The following CSMD1 variants were observed in gnomAD, a reference collection of about 807,000 sequenced individuals.
The protein encoded by CSMD1 is CUB and Sushi multiple domains 1.
Under a neutral mutation model 417.5 loss-of-function variants are expected in CSMD1, and 213 were observed. The ratio of observed to expected loss-of-function variants is 0.51; its 90% CI spans 0.46 to 0.57. CSMD1 has a LOEUF of 0.57. CSMD1 is among the 20% of genes least tolerant of loss of function. The probability of loss-of-function intolerance (pLI) is 0.00; values close to 1 mark genes in which losing one functional copy is unlikely to be tolerated. For missense variants in CSMD1, 6,923 were observed against 4,529.7 expected (o/e 1.53, Z -15.17); for synonymous variants, 2,862 against 1,736.8 (o/e 1.65, Z -16.11).
Position 2,936,096 on chromosome 8 carries a change from A to T in CSMD1, c.*2489T>A, listed in dbSNP as rs936219078. 10 of 152,202 alleles carry T rather than the reference A, an allele frequency of 6.6e-5. No individual in the cohort carries two copies. The highest frequency in any genetic ancestry group is 4.4e-5 in the Non-Finnish European group (3 of 68,038). 9.4% of individuals were successfully genotyped at this position (152,202 alleles called of 1,614,324 possible). Reference sequence around the variant, plus strand: ...ACACAACCTTAGGAAGAAACTAGGCAGAATTCTCACACGAGAATTTCACTG... The same window carrying T: ...ACACAACCTTAGGAAGAAACTAGGCTGAATTCTCACACGAGAATTTCACTG... On this transcript the variant is annotated 3_prime_UTR_variant, in exon 70 of 70. Coordinates refer to ENST00000635120, the MANE Select transcript of CSMD1 (RefSeq NM_033225.6).
chr8:4,431,669 T>C (rs1445317000), intron 2 of CSMD1, among the ~76,000 whole-genome samples: 1 of 152,052 alleles, frequency 6.6e-6, no homozygotes, highest in East Asian at 1.9e-4. Flanking sequence ...GAAGAAAAGA[T>C]AGAGGAATGA....
chr8:3,577,544 G>C (rs1800203618), intron 9 of CSMD1, among the ~76,000 whole-genome samples: 1 of 152,138 alleles, frequency 6.6e-6, no homozygotes, highest in South Asian at 2.1e-4. Context: ...CCAGAGATTT[G>C]TGTCTGATTT....
At position 4,366,251 on chromosome 8, in the gene CSMD1, A is replaced by AT. The variant is rs1802063338; in HGVS notation, c.415+53701dup. Reference sequence around the variant, plus strand: ...CATCCATGTAGCTGCAAAAGACGTGATTCTTTTTTTTTTCTGTTTTATGGC... The same window carrying AT: ...CATCCATGTAGCTGCAAAAGACGTGATTTCTTTTTTTTTTCTGTTTTATGGC... On this transcript the variant is annotated intron_variant, in intron 3 of 69. Coordinates refer to ENST00000635120, the MANE Select transcript of CSMD1 (RefSeq NM_033225.6). Among the ~76,000 whole-genome samples the AT allele has an allele frequency of 5.9e-5, 6 of 101,788 alleles. No individual in the cohort carries two copies. The South Asian group carries it at 1.7e-3, about 29-fold the overall frequency. 66.8% of individuals were successfully genotyped at this position (101,788 alleles called of 152,430 possible). A position where few individuals can be genotyped will look rare whatever the true frequency, so the allele number is the denominator to read the frequency against.
intron 1 of CSMD1, among the ~76,000 whole-genome samples, chr8:4,876,918 C>G (rs1006367749): frequency 6.6e-6 from 1 of 152,050 alleles, no homozygotes; most frequent in Non-Finnish European, 1.5e-5. Context: ...GATTAGCTTT[C>G]TCCTAATCCA....
At chr8:3,250,508 G>C (rs935897940) in intron 26 of CSMD1, among the ~76,000 whole-genome samples, 2 of 152,104 alleles carry the variant, frequency 1.3e-5, no homozygotes, top group Non-Finnish European at 2.9e-5. Context: ...GAATAGTGCC[G>C]CAATAAACAT....
At chr8:3,840,636 C>T (rs1043628169) in intron 5 of CSMD1, among the ~76,000 whole-genome samples, 1 of 151,290 alleles carries the variant, frequency 6.6e-6, no homozygotes, top group Non-Finnish European at 1.5e-5. Context: ...TGTGTGTGCA[C>T]TTGCTAGTGT....
chr8:4,027,305 G>C (rs1002851046), intron 4 of CSMD1, among the ~76,000 whole-genome samples: 2 of 152,164 alleles, frequency 1.3e-5, no homozygotes, highest in Admixed American at 6.5e-5. Flanking sequence ...GTCAGGAGTA[G>C]AAAGTAGGAT....
intron 3 of CSMD1, among the ~76,000 whole-genome samples, chr8:4,384,490 G>A (rs1472577766): frequency 1.3e-5 from 2 of 152,122 alleles, no homozygotes; most frequent in African/African-American, 2.4e-5. Context: ...CTATGAATTT[G>A]TTGATCAAAT....
chr8:4,371,338 A>C (rs1310321093), intron 3 of CSMD1, among the ~76,000 whole-genome samples: 1 of 152,142 alleles, frequency 6.6e-6, no homozygotes, highest in African/African-American at 2.4e-5. Flanking sequence ...AGGCAAGTTA[A>C]AGTTTTAAAT....
chr8:4,176,177 C>T (rs1380863694), intron 3 of CSMD1, among the ~76,000 whole-genome samples: 1 of 151,984 alleles, frequency 6.6e-6, no homozygotes, highest in Non-Finnish European at 1.5e-5. Context: ...TGATCAGAAG[C>T]CCTGCAGAAC....
At chr8:4,033,731 T>C (rs1366678271) in intron 3 of CSMD1, among the ~76,000 whole-genome samples, 1 of 152,224 alleles carries the variant, frequency 6.6e-6, no homozygotes, top group African/African-American at 2.4e-5. Flanking sequence ...TCATTGACAA[T>C]TTCAATAATG....
At chr8:3,880,894 T>C (rs1037244136) in intron 5 of CSMD1, among the ~76,000 whole-genome samples, 1 of 152,160 alleles carries the variant, frequency 6.6e-6, no homozygotes, top group Non-Finnish European at 1.5e-5. Context: ...TCGTGTACCA[T>C]TGAAAGTAAA....
At chr8:3,375,411 A>G (rs555759552) in intron 18 of CSMD1, among the ~76,000 whole-genome samples, 1 of 151,602 alleles carries the variant, frequency 6.6e-6, no homozygotes, top group South Asian at 2.1e-4. Context: ...TTTTTCCATC[A>G]TTTTCTTGTT....
intron 3 of CSMD1, among the ~76,000 whole-genome samples, chr8:4,371,733 T>C (rs1382754903): frequency 6.6e-6 from 1 of 152,236 alleles, no homozygotes; most frequent in Non-Finnish European, 1.5e-5. Flanking sequence ...TTTTTATGTA[T>C]TTTTCAAACG....
intron 5 of CSMD1, among the ~76,000 whole-genome samples, chr8:3,868,326 C>A (rs1407821518): frequency 3.3e-5 from 5 of 152,040 alleles, no homozygotes; most frequent in Non-Finnish European, 7.4e-5. Context: ...CACCCGGAGA[C>A]ATTTATTTTT....
intron 23 of CSMD1, among the ~76,000 whole-genome samples, chr8:3,309,528 C>T (rs552520410): frequency 2.0e-4 from 29 of 141,836 alleles, no homozygotes; most frequent in African/African-American, 6.4e-4. Context: ...CTGTATATTC[C>T]TTTTATGTGA....
intron 5 of CSMD1, among the ~76,000 whole-genome samples, chr8:3,981,987 C>A (rs1248591469): frequency 6.6e-6 from 1 of 151,648 alleles, no homozygotes; most frequent in Non-Finnish European, 1.5e-5. Context: ...CTGGCTAACA[C>A]GGTGAAACCC....
In CSMD1 at chr8:3,622,640, G is replaced by A. The variant is rs572208316; in HGVS notation, c.1010-5843C>T. ...AAGCCTGAATGGATTGCAGATGGTAGAAGATAACAAAAAGTGATTAGAGAT... is the reference window on the plus strand; with the variant it reads ...AAGCCTGAATGGATTGCAGATGGTAAAAGATAACAAAAAGTGATTAGAGAT... On this transcript the variant is annotated intron_variant, in intron 7 of 69. Transcript: ENST00000635120. 2.0e-5 allele frequency among the ~76,000 whole-genome samples: 3 copies of A among 152,318 alleles called. No homozygotes were observed. The South Asian group carries it at 6.2e-4, about 32-fold the overall frequency.
intron 37 of CSMD1, among the ~76,000 whole-genome samples, chr8:3,177,658 A>G (rs974286823): frequency 3.3e-5 from 5 of 152,132 alleles, no homozygotes; most frequent in African/African-American, 1.2e-4. Flanking sequence ...AATAATAAAA[A>G]AACAGATGGG....
Sources: gnomAD v4.1 joint callset for allele counts (sites outside exome capture counted in the v4.1 genomes callset) on GRCh38, gnomAD v4.1.1 for gene constraint, MANE v1.5 for transcripts, NCBI Gene and HGNC (gene_info 2026-07-23, HGNC 2026-07-21) for gene names.